The following EXOC6B variants were observed in gnomAD, a reference collection of about 807,000 sequenced individuals.
EXOC6B encodes SEC15 homolog B.
EXOC6B carries 54 observed loss-of-function variants against 113.5 expected under a neutral mutation model. That is an observed-to-expected ratio of 0.48 (90% CI 0.38 to 0.60). The LOEUF (loss-of-function observed/expected upper bound fraction) is 0.60. EXOC6B is among the 20% of genes least tolerant of loss of function. EXOC6B has a pLI of 0.00. For synonymous variants in EXOC6B, 357 were observed against 339.0 expected (o/e 1.05, Z -0.58); for missense variants, 797 against 977.5 (o/e 0.82, Z 2.46).
At chr2:72,352,584 T>C (rs947019716) in intron 19 of EXOC6B, among the ~76,000 whole-genome samples, 1 of 152,098 alleles carries the variant, frequency 6.6e-6, no homozygotes, top group Non-Finnish European at 1.5e-5. Flanking sequence ...ATACTAGAAG[T>C]AGATTAAATA....
intron 1 of EXOC6B, among the ~76,000 whole-genome samples, chr2:72,798,047 A>G (rs928586816): frequency 6.6e-5 from 10 of 152,168 alleles, no homozygotes; most frequent in African/African-American, 9.7e-5. Context: ...ATTTGAGTAT[A>G]CTGCCAAAGA....
chr2:72,651,386 G>A (rs1674153107), intron 6 of EXOC6B, among the ~76,000 whole-genome samples: 1 of 152,198 alleles, frequency 6.6e-6, no homozygotes, highest in African/African-American at 2.4e-5. Context: ...ACAAACAAGT[G>A]AGGTGGGCAG....
rs748385113 is a variant in EXOC6B at position 72,654,033 on chromosome 2, G to C, written c.669+64070C>G. On this transcript the variant is annotated intron_variant, in intron 6 of 21. Coordinates refer to ENST00000272427, the MANE Select transcript of EXOC6B (RefSeq NM_015189.3). ...CGCCCAGGCTGGAGTGCAGTGCCGC[G>C]ATCTCTGCTCACTGCAAGCTCCACC... Among the ~76,000 whole-genome samples, 8 of 149,406 alleles carry C rather than the reference G, an allele frequency of 5.4e-5. No homozygotes were observed. The East Asian group carries it at 1.6e-3, about 29-fold the overall frequency.
intron 20 of EXOC6B, among the ~76,000 whole-genome samples, chr2:72,247,083 C>T (rs1049193966): frequency 6.6e-6 from 1 of 152,132 alleles, no homozygotes; most frequent in African/African-American, 2.4e-5. Context: ...ACAAAATCTG[C>T]TACCTAGAAA....
intron 19 of EXOC6B, among the ~76,000 whole-genome samples, chr2:72,369,997 C>T (rs1237649374): frequency 2.6e-5 from 4 of 152,112 alleles, no homozygotes; most frequent in Admixed American, 1.3e-4. Context: ...CAACAAAAGC[C>T]AAAACTGACA....
intron 17 of EXOC6B, 108 bp downstream of exon 17, chr2:72,480,508 C>T (rs982949229): frequency 1.2e-5 from 12 of 1,031,722 alleles, no homozygotes; most frequent in Non-Finnish European, 1.6e-5. Context: ...AACACTCATT[C>T]TCAAGAGCAT....
intron 20 of EXOC6B, among the ~76,000 whole-genome samples, chr2:72,319,425 T>C (rs1687722761): frequency 6.6e-6 from 1 of 152,062 alleles, no homozygotes; most frequent in African/African-American, 2.4e-5. Context: ...ACAAAAGGTA[T>C]CTAGACTGGA....
intron 20 of EXOC6B, among the ~76,000 whole-genome samples, chr2:72,281,303 C>T (rs1685113598): frequency 6.6e-6 from 1 of 152,088 alleles, no homozygotes; most frequent in Admixed American, 6.6e-5. Context: ...TACAATTTTT[C>T]ATGTCTAATG....
chr2:72,537,501 C>T (rs545636552), intron 8 of EXOC6B, among the ~76,000 whole-genome samples: 1 of 150,230 alleles, frequency 6.7e-6, no homozygotes, highest in South Asian at 2.1e-4. Flanking sequence ...CATGGTGGCA[C>T]GTGCCTATAG....
intron 20 of EXOC6B, among the ~76,000 whole-genome samples, chr2:72,304,422 C>T (rs1686709779): frequency 6.6e-6 from 1 of 152,168 alleles, no homozygotes; most frequent in African/African-American, 2.4e-5. Flanking sequence ...CCAGTTTATA[C>T]TCTAATTTAT....
At chr2:72,502,573 G>A (rs1246641972) in intron 11 of EXOC6B, among the ~76,000 whole-genome samples, 1 of 152,044 alleles carries the variant, frequency 6.6e-6, no homozygotes, top group Non-Finnish European at 1.5e-5. Context: ...AATAAATACA[G>A]GATGGGTAAA....
intron 6 of EXOC6B, among the ~76,000 whole-genome samples, chr2:72,610,877 A>G (rs1314079412): frequency 6.6e-6 from 1 of 152,132 alleles, no homozygotes; most frequent in Admixed American, 6.5e-5. Flanking sequence ...GACAAACACC[A>G]CCTTCCTTGT....
chr2:72,473,819 C>G (rs1698555469), intron 17 of EXOC6B, among the ~76,000 whole-genome samples: 1 of 151,966 alleles, frequency 6.6e-6, no homozygotes, highest in Non-Finnish European at 1.5e-5. Context: ...TGAGTCCTTT[C>G]TCTTCTTCAT....
intron 17 of EXOC6B, among the ~76,000 whole-genome samples, chr2:72,465,805 T>A (rs1024273241): frequency 6.6e-6 from 1 of 152,190 alleles, no homozygotes. Flanking sequence ...TTCATTCTGA[T>A]CTTCCTTAAC....
chr2:72,306,341 A>G lies in EXOC6B; in HGVS notation c.2196+28606T>C, dbSNP rs1359024285. On this transcript the variant is annotated intron_variant, in intron 20 of 21. Coordinates refer to ENST00000272427, the MANE Select transcript of EXOC6B (RefSeq NM_015189.3). ...TCTGCAAGTGTTTTCTAGTTTTAAC[A>G]TCAAAAAATACATTTTTATATAACT... is the stretch of plus-strand genomic sequence containing the variant. 6.6e-5 allele frequency among the ~76,000 whole-genome samples: 10 copies of G among 152,306 alleles called. No homozygotes were observed. The South Asian group carries it at 1.9e-3, about 28-fold the overall frequency.
intron 18 of EXOC6B, 118 bp downstream of exon 18, chr2:72,465,042 C>G: frequency 1.3e-6 from 1 of 785,624 alleles, no homozygotes; most frequent in Non-Finnish European, 2.1e-6. Flanking sequence ...ATAGCATGCG[C>G]CTTTATATAC....
chr2:72,721,194 T>G (rs1679977619), intron 5 of EXOC6B, among the ~76,000 whole-genome samples: 1 of 151,546 alleles, frequency 6.6e-6, no homozygotes, highest in African/African-American at 2.4e-5. Flanking sequence ...TCGGGCATGT[T>G]GGTGGGAGCC....
Position 72,515,094 on chromosome 2 carries a change from T to C in EXOC6B, c.948A>G (p.Arg316=). The change falls in exon 9 of 22, where the codon CGA becomes CGG. Residue 316 remains arginine, a synonymous_variant. Transcript: ENST00000272427. The part of the protein sequence containing the change: ...GARETFENYY[R]KQRRKQARLV... Reference sequence around the variant, plus strand: ...AACGAGCCTGTTTTCGCCTCTGTTTTCGGTAGTAATTCTCAAATGTTTCCC... The same window carrying C: ...AACGAGCCTGTTTTCGCCTCTGTTTCCGGTAGTAATTCTCAAATGTTTCCC... 1 of 1,607,004 alleles carries C rather than the reference T, an allele frequency of 6.2e-7. No individual in the cohort carries two copies. The highest frequency in any genetic ancestry group is 8.5e-7 in the Non-Finnish European group (1 of 1,176,640).
At chr2:72,559,388 G>A in intron 8 of EXOC6B, 65 bp downstream of exon 8, 8 of 1,179,056 alleles carry the variant, frequency 6.8e-6, no homozygotes, top group Non-Finnish European at 9.2e-6. Flanking sequence ...ACTACCAAAA[G>A]TTGAGAGAGC....
Sources: gnomAD v4.1 joint callset for allele counts (sites outside exome capture counted in the v4.1 genomes callset) on GRCh38, gnomAD v4.1.1 for gene constraint, MANE v1.5 for transcripts, NCBI Gene and HGNC (gene_info 2026-07-23, HGNC 2026-07-21) for gene names.